The following CEP63 variants were observed in gnomAD, a reference collection of about 807,000 sequenced individuals.
The protein encoded by CEP63 is centrosomal protein of 63 kDa.
Under a neutral mutation model 89.1 loss-of-function variants are expected in CEP63, and 84 were observed. The observed-to-expected ratio is 0.94, with a 90% confidence interval of 0.79 to 1.13. The LOEUF is 1.13. Among genes scored for constraint, CEP63 ranks in the 50% most tolerant of loss-of-function variants. The pLI is 0.00. For missense variants in CEP63, 838 were observed against 813.3 expected, an observed-to-expected ratio of 1.03 and a Z score of -0.37; for synonymous variants, 267 against 272.5, an observed-to-expected ratio of 0.98 and a Z score of 0.20.
At chr3:134,530,895 T>C (rs1949732755) in intron 3 of CEP63, among the ~76,000 whole-genome samples, 1 of 152,234 alleles carries the variant, frequency 6.6e-6, no homozygotes, top group African/African-American at 2.4e-5. Context: ...TACTCCCTTG[T>C]GTTCCCTGTT....
intron 11 of CEP63, among the ~76,000 whole-genome samples, chr3:134,574,256 G>A (rs933583041): frequency 6.6e-5 from 10 of 152,286 alleles, no homozygotes; most frequent in Non-Finnish European, 8.8e-5. Flanking sequence ...ATGGAGGAGC[G>A]GCTTCTGCAG....
At chr3:134,630,063 C>T in the CEP63 span, among the ~76,000 whole-genome samples, 4 of 152,184 alleles carry the variant, frequency 2.6e-5, no homozygotes, top group Middle Eastern at 3.2e-3. Flanking sequence ...TTCTTCTTTC[C>T]CCTCTGGTAT....
the CEP63 span, among the ~76,000 whole-genome samples, chr3:134,609,087 C>G: frequency 6.6e-6 from 1 of 152,118 alleles, no homozygotes; most frequent in Non-Finnish European, 1.5e-5. Context: ...CCTAGGCTGT[C>G]GAGGGGAAAA....
downstream of CEP63, among the ~76,000 whole-genome samples, chr3:134,569,916 T>G (rs1028797690): frequency 6.6e-6 from 1 of 152,242 alleles, no homozygotes; most frequent in Non-Finnish European, 1.5e-5. Flanking sequence ...AATTCTTGTC[T>G]TCTACACACT....
At chr3:134,487,906 GTT>G (rs995275587) in intron 1 of CEP63, 1 of 152,194 alleles carries the variant, frequency 6.6e-6, no homozygotes, top group African/African-American at 2.4e-5. Context: ...TTCCCTCATA[GTT>G]ATAGCTATGG....
the CEP63 span, among the ~76,000 whole-genome samples, chr3:134,641,919 C>T: frequency 2.0e-5 from 3 of 152,194 alleles, no homozygotes; most frequent in Non-Finnish European, 4.4e-5. Context: ...CTCATTATAG[C>T]CAGATATCTC....
At chr3:134,740,777 G>A in the CEP63 span, among the ~76,000 whole-genome samples, 1 of 152,174 alleles carries the variant, frequency 6.6e-6, no homozygotes, top group African/African-American at 2.4e-5. Context: ...TTGCTCTCTG[G>A]TCCCTCCAAG....
chr3:134,694,734 C>T, the CEP63 span, among the ~76,000 whole-genome samples: 8 of 152,344 alleles, frequency 5.3e-5, no homozygotes, highest in South Asian at 2.1e-4. Context: ...CAGCATTCAG[C>T]TCCCCCTTCA....
chr3:134,569,075 G>T (rs977782102), downstream of CEP63, among the ~76,000 whole-genome samples: 4 of 152,168 alleles, frequency 2.6e-5, no homozygotes, highest in African/African-American at 7.2e-5. Context: ...CGAGAACAGC[G>T]TGAGAAAGAC....
At chr3:134,686,976 C>A in the CEP63 span, among the ~76,000 whole-genome samples, 1 of 152,118 alleles carries the variant, frequency 6.6e-6, no homozygotes, top group Non-Finnish European at 1.5e-5. Context: ...AAGGGCCTTC[C>A]CCCAGAGCAA....
chr3:134,543,127 TCTA>T (rs1006930168), intron 6 of CEP63, among the ~76,000 whole-genome samples: 9 of 152,326 alleles, frequency 5.9e-5, no homozygotes, highest in Admixed American at 1.3e-4. Flanking sequence ...TTTAAAATTT[TCTA>T]CTAGTCACAT....
At chr3:134,764,860 C>A in the CEP63 span, among the ~76,000 whole-genome samples, 9 of 152,266 alleles carry the variant, frequency 5.9e-5, no homozygotes, top group Admixed American at 1.3e-4. Context: ...GTAAACCATC[C>A]CCAAGACCTC....
the CEP63 span, among the ~76,000 whole-genome samples, chr3:134,725,142 T>G: frequency 2.0e-5 from 3 of 152,214 alleles, no homozygotes; most frequent in Non-Finnish European, 2.9e-5. Context: ...TTTTTTAAAA[T>G]ATATAATTTT....
the CEP63 span, among the ~76,000 whole-genome samples, chr3:134,626,992 C>T: frequency 1.3e-5 from 2 of 152,338 alleles, no homozygotes; most frequent in East Asian, 1.9e-4. Flanking sequence ...GATTTCCACT[C>T]AGTATAGCTC....
chr3:134,599,272 C>T, the CEP63 span, among the ~76,000 whole-genome samples: 1 of 152,188 alleles, frequency 6.6e-6, no homozygotes, highest in Non-Finnish European at 1.5e-5. Flanking sequence ...CTTCTGACTT[C>T]CTCTTAATAT....
chr3:134,569,381 G>C (rs999664455), downstream of CEP63, among the ~76,000 whole-genome samples: 5 of 152,206 alleles, frequency 3.3e-5, no homozygotes, highest in Non-Finnish European at 7.3e-5. Flanking sequence ...GATACAATAG[G>C]GATACAGGCG....
chr3:134,565,495 C>T (rs1347191654), downstream of CEP63, among the ~76,000 whole-genome samples: 1 of 152,162 alleles, frequency 6.6e-6, no homozygotes, highest in Non-Finnish European at 1.5e-5. Flanking sequence ...GGCATGAGAA[C>T]ATACGTTAAG....
the CEP63 span, among the ~76,000 whole-genome samples, chr3:134,664,061 G>C: frequency 6.6e-6 from 1 of 152,166 alleles, no homozygotes; most frequent in Non-Finnish European, 1.5e-5. Flanking sequence ...ACAAGACTCG[G>C]GCCTTCCCTC....
chr3:134,576,756 A>G (rs548415621), downstream of CEP63, among the ~76,000 whole-genome samples: 1 of 152,210 alleles, frequency 6.6e-6, no homozygotes, highest in Non-Finnish European at 1.5e-5. Flanking sequence ...GTAGGAAGGC[A>G]TCAGGGCAGG....
Sources: allele counts gnomAD v4.1 joint callset (sites outside exome capture counted in the v4.1 genomes callset), GRCh38; gene constraint gnomAD v4.1.1; transcripts MANE v1.5; gene names NCBI Gene and HGNC (gene_info 2026-07-23, HGNC 2026-07-21).